The following IGBP1C variants were observed in gnomAD, a reference collection of about 807,000 sequenced individuals.
The protein encoded by IGBP1C is IGBP1 family member C.
chr17:58,671,483 T>C, the IGBP1C span, among the ~76,000 whole-genome samples: 1 of 152,094 alleles, frequency 6.6e-6, no homozygotes, highest in South Asian at 2.1e-4. Context: ...TCCTCAGAAC[T>C]GAGAGTGTTC....
At chr17:58,687,780 C>G in the IGBP1C span, among the ~76,000 whole-genome samples, 1 of 152,184 alleles carries the variant, frequency 6.6e-6, no homozygotes, top group Non-Finnish European at 1.5e-5. Flanking sequence ...TTGGAATACT[C>G]TGACAGGTTA....
chr17:58,689,838 G>GGC, the IGBP1C span, among the ~76,000 whole-genome samples: 1 of 150,942 alleles, frequency 6.6e-6, no homozygotes, highest in Non-Finnish European at 1.5e-5. Flanking sequence ...TATAGGCAAG[G>GGC]GCCAGAAGAT....
the IGBP1C span, among the ~76,000 whole-genome samples, chr17:58,688,813 G>T: frequency 3.3e-5 from 5 of 152,116 alleles, no homozygotes; most frequent in African/African-American, 4.8e-5. Context: ...TTCCCGGGGG[G>T]GGTTTGGGAG....
chr17:58,663,225 C>G, the IGBP1C span, among the ~76,000 whole-genome samples: 1 of 151,764 alleles, frequency 6.6e-6, no homozygotes, highest in Non-Finnish European at 1.5e-5. Flanking sequence ...GAGTTCAAGA[C>G]CATCCTGACT....
chr17:58,665,469 G>A, the IGBP1C span, among the ~76,000 whole-genome samples: 2 of 151,982 alleles, frequency 1.3e-5, no homozygotes, highest in African/African-American at 2.4e-5. Context: ...GTGGTCATGC[G>A]TGGCTGTAGT....
At chr17:58,666,443 A>T in the IGBP1C span, 1 of 149,310 alleles carries the variant, frequency 6.7e-6, no homozygotes, top group African/African-American at 2.5e-5. Context: ...ACAAAGTGAA[A>T]CAAACCTTCC....
chr17:58,669,402 T>C, the IGBP1C span, among the ~76,000 whole-genome samples: 1 of 150,338 alleles, frequency 6.7e-6, no homozygotes, highest in South Asian at 2.1e-4. Flanking sequence ...GAGTTTGTCA[T>C]ATTTGCTGAA....
the IGBP1C span, among the ~76,000 whole-genome samples, chr17:58,680,512 C>T: frequency 1.3e-5 from 2 of 152,116 alleles, no homozygotes; most frequent in Admixed American, 6.6e-5. Context: ...GAGGCCAATG[C>T]GGGCAGATCA....
chr17:58,665,816 A>C, the IGBP1C span, among the ~76,000 whole-genome samples: 1 of 151,786 alleles, frequency 6.6e-6, no homozygotes, highest in Non-Finnish European at 1.5e-5. Flanking sequence ...GAGGCCGAGG[A>C]GGGTGGATCA....
At chr17:58,688,764 C>A in the IGBP1C span, among the ~76,000 whole-genome samples, 1 of 152,116 alleles carries the variant, frequency 6.6e-6, no homozygotes, top group Non-Finnish European at 1.5e-5. Flanking sequence ...CAAATTTTTT[C>A]ATGAAGTAAC....
At chr17:58,662,857 C>T in the IGBP1C span, among the ~76,000 whole-genome samples, 9 of 152,138 alleles carry the variant, frequency 5.9e-5, no homozygotes, top group African/African-American at 2.2e-4. Context: ...CGGTGGCTCA[C>T]GCTTGTAATC....
the IGBP1C span, among the ~76,000 whole-genome samples, chr17:58,662,636 CT>C: frequency 6.6e-6 from 1 of 152,172 alleles, no homozygotes; most frequent in East Asian, 1.9e-4. Context: ...CTCAGGTGTG[CT>C]GTCCTAAGAC....
At chr17:58,662,575 G>C in the IGBP1C span, among the ~76,000 whole-genome samples, 1 of 151,930 alleles carries the variant, frequency 6.6e-6, no homozygotes. Flanking sequence ...GTGTGGGGAA[G>C]GGCAGCAACA....
the IGBP1C span, among the ~76,000 whole-genome samples, chr17:58,690,198 GCT>G: frequency 6.6e-6 from 1 of 151,576 alleles, no homozygotes. Flanking sequence ...ATGGAGTCTC[GCT>G]CTGTCGCCCA....
chr17:58,664,215 A>G, the IGBP1C span, among the ~76,000 whole-genome samples: 4 of 152,168 alleles, frequency 2.6e-5, no homozygotes, highest in Non-Finnish European at 4.4e-5. Context: ...AGAAGGTTTG[A>G]TTTCACATGA....
At chr17:58,665,140 T>A in the IGBP1C span, among the ~76,000 whole-genome samples, 2 of 152,050 alleles carry the variant, frequency 1.3e-5, no homozygotes, top group Non-Finnish European at 2.9e-5. Flanking sequence ...ACATTTTTAG[T>A]AGCTATATTA....
chr17:58,662,729 T>C, the IGBP1C span, among the ~76,000 whole-genome samples: 4 of 152,116 alleles, frequency 2.6e-5, no homozygotes, highest in Non-Finnish European at 1.5e-5. Flanking sequence ...GAAGGAAGGG[T>C]TGATGCTCAG....
the IGBP1C span, among the ~76,000 whole-genome samples, chr17:58,671,648 G>C: frequency 6.6e-6 from 1 of 151,982 alleles, no homozygotes; most frequent in Non-Finnish European, 1.5e-5. Context: ...AAATAGACAG[G>C]GTCCATCCCT....
chr17:58,665,976 G>A, the IGBP1C span, among the ~76,000 whole-genome samples: 1 of 151,718 alleles, frequency 6.6e-6, no homozygotes, highest in South Asian at 2.1e-4. Flanking sequence ...TTCAACCTAG[G>A]AGGCGGAGGT....
Sources: allele counts gnomAD v4.1 joint callset (sites outside exome capture counted in the v4.1 genomes callset), GRCh38; gene constraint gnomAD v4.1.1; transcripts MANE v1.5; gene names NCBI Gene and HGNC (gene_info 2026-07-23, HGNC 2026-07-21).